Variants in NCOA7 observed in about 807,000 individuals in gnomAD.
NCOA7 encodes nuclear receptor coactivator 7, also known as 140 kDa estrogen receptor-associated protein.
A neutral mutation model predicts 104.3 loss-of-function variants in NCOA7; 45 were observed. The observed-to-expected ratio is 0.43, with a 90% CI of 0.34 to 0.55. The LOEUF (loss-of-function observed/expected upper bound fraction) is 0.55. Ranked by LOEUF, NCOA7 falls within the 20% of genes least tolerant of loss-of-function variation. The probability of loss-of-function intolerance (pLI) is 0.02; values close to 1 mark genes in which losing one functional copy is unlikely to be tolerated. For missense variants in NCOA7, 1,041 were observed against 1,119.7 expected, an observed-to-expected ratio of 0.93 and a Z score of 1.00; for synonymous variants, 398 against 402.3, an observed-to-expected ratio of 0.99 and a Z score of 0.13.
intron 10 of NCOA7, among the ~76,000 whole-genome samples, chr6:125,906,129 C>G (rs1785977522): frequency 6.6e-6 from 1 of 151,964 alleles, no homozygotes; most frequent in South Asian, 2.1e-4. Flanking sequence ...ATGGAAAGGT[C>G]GCAAGGTGGG....
intron 10 of NCOA7, among the ~76,000 whole-genome samples, chr6:125,894,242 C>T (rs1784829906): frequency 6.6e-6 from 1 of 152,102 alleles, no homozygotes; most frequent in Admixed American, 6.5e-5. Flanking sequence ...AGCATCTCCC[C>T]AGTTGTGGTA....
intron 4 of NCOA7, among the ~76,000 whole-genome samples, chr6:125,875,771 A>G (rs950472468): frequency 6.6e-6 from 1 of 152,194 alleles, no homozygotes; most frequent in Non-Finnish European, 1.5e-5. Flanking sequence ...TTTAATTCAT[A>G]TATCCATGAA....
chr6:125,893,566 TC>T (rs1784777700), intron 10 of NCOA7, among the ~76,000 whole-genome samples: 1 of 152,046 alleles, frequency 6.6e-6, no homozygotes, highest in African/African-American at 2.4e-5. Flanking sequence ...GAATGAATAA[TC>T]TACCAAGTAA....
At chr6:125,856,678 C>T (rs760008888) in intron 3 of NCOA7, among the ~76,000 whole-genome samples, 12 of 151,738 alleles carry the variant, frequency 7.9e-5, no homozygotes, top group Non-Finnish European at 1.3e-4. Context: ...TGTAACCTTC[C>T]AACAGTGTTG....
chr6:125,854,995 T>C, intron 2 of NCOA7, 25 bp from the exon 3 acceptor site: 10 of 1,513,238 alleles, frequency 6.6e-6, no homozygotes, highest in Non-Finnish European at 9.0e-6. Flanking sequence ...TCCAATGTTT[T>C]TTCTTTTTTT....
At chr6:125,841,690 C>T (rs1211448561) in intron 2 of NCOA7, among the ~76,000 whole-genome samples, 1 of 152,034 alleles carries the variant, frequency 6.6e-6, no homozygotes, top group Non-Finnish European at 1.5e-5. Flanking sequence ...TCTGCACTAA[C>T]TTTAGAAGGA....
chr6:125,846,018 G>A lies in NCOA7; in HGVS notation c.51-9002G>A, dbSNP rs564420804. On this transcript the variant is annotated intron_variant, in intron 2 of 15. Coordinates refer to ENST00000392477, the MANE Select transcript of NCOA7 (RefSeq NM_181782.5). Reference sequence around the variant, plus strand: ...TATTTCCCTACAGAGGCGATTTTAAGGAGAAAGTTTGTATGAAAGAAGACT... The same window carrying A: ...TATTTCCCTACAGAGGCGATTTTAAAGAGAAAGTTTGTATGAAAGAAGACT... Among the ~76,000 whole-genome samples the A allele has an allele frequency of 3.3e-5, 5 of 152,136 alleles. No homozygotes were observed. In the South Asian group the frequency reaches 1.0e-3, roughly 32 times the overall value.
At chr6:125,905,477 G>T (rs1785914127) in intron 10 of NCOA7, among the ~76,000 whole-genome samples, 1 of 152,144 alleles carries the variant, frequency 6.6e-6, no homozygotes, top group Admixed American at 6.5e-5. Context: ...GGCCAGGCTG[G>T]TCTAGAACTC....
At chr6:125,843,677 G>A (rs984402654) in intron 2 of NCOA7, among the ~76,000 whole-genome samples, 21 of 151,960 alleles carry the variant, frequency 1.4e-4, no homozygotes, top group African/African-American at 4.8e-4. Flanking sequence ...TTGACTTATA[G>A]CACAACACAA....
chr6:125,924,679 G>A (rs1229204537), intron 13 of NCOA7, among the ~76,000 whole-genome samples: 1 of 152,172 alleles, frequency 6.6e-6, no homozygotes, highest in Non-Finnish European at 1.5e-5. Flanking sequence ...GCCAGTGAGG[G>A]AATATTTATT....
In NCOA7 at chr6:125,889,837, T is replaced by C. The variant is rs922243401; in HGVS notation, c.1783T>C (p.Ser595Pro). The change falls in exon 9 of 16, where the codon TCT becomes CCT. Residue 595 changes from serine (S) to proline (P), a missense_variant. Ser to Pro is a moderately conservative substitution (Grantham distance 74, BLOSUM62 -1). This residue lies in a region of NCOA7 where 914 missense variants were observed against 942.7 expected (regional missense o/e 0.97). Transcript: ENST00000392477. ...AGAGCCCCTCCCGGTAAAACTGAAC[T>C]CTTCTACAGAAGCAAATGTGATTAA... is the stretch of plus-strand genomic sequence containing the variant. ...KGEPLPVKLN[S>P]STEANVIKEA... 1.2e-6 allele frequency: 2 copies of C among 1,613,734 alleles called. No homozygotes were observed. The highest frequency in any genetic ancestry group is 8.5e-7 in the Non-Finnish European group (1 of 1,179,900).
intron 2 of NCOA7, among the ~76,000 whole-genome samples, chr6:125,844,894 A>G (rs759056840): frequency 6.6e-6 from 1 of 152,188 alleles, no homozygotes; most frequent in Non-Finnish European, 1.5e-5. Flanking sequence ...TTGTTTATTA[A>G]GCTCTTCCTG....
chr6:125,871,485 A>G (rs1010770149), intron 3 of NCOA7, among the ~76,000 whole-genome samples: 13 of 152,264 alleles, frequency 8.5e-5, no homozygotes, highest in Admixed American at 8.5e-4. Flanking sequence ...TTCTGAAGTA[A>G]TATGAAACCT....
chr6:125,928,001 C>T (rs979709428), intron 14 of NCOA7, among the ~76,000 whole-genome samples, 173 bp from the exon 15 acceptor site: 6 of 152,240 alleles, frequency 3.9e-5, no homozygotes, highest in Non-Finnish European at 8.8e-5. Flanking sequence ...TTCCTTCCTT[C>T]GTAACCCCTT....
At chr6:125,841,396 A>G (rs917832594) in intron 2 of NCOA7, among the ~76,000 whole-genome samples, 16 of 152,192 alleles carry the variant, frequency 1.1e-4, no homozygotes, top group African/African-American at 3.6e-4. Context: ...AAATCACCTA[A>G]TGACACGTTT....
At chr6:125,906,945 A>G (rs1190555593) in intron 10 of NCOA7, among the ~76,000 whole-genome samples, 1 of 152,226 alleles carries the variant, frequency 6.6e-6, no homozygotes, top group Non-Finnish European at 1.5e-5. Context: ...TGTAAAAATA[A>G]CCTAAACAAA....
intron 10 of NCOA7, among the ~76,000 whole-genome samples, chr6:125,894,716 A>G (rs1784873167): frequency 6.6e-6 from 1 of 152,044 alleles, no homozygotes; most frequent in Non-Finnish European, 1.5e-5. Context: ...TTTGGACTGT[A>G]TTAACCGATT....
upstream of NCOA7, chr6:125,786,345 T>C (rs1160244137): frequency 6.6e-6 from 1 of 152,190 alleles, no homozygotes; most frequent in Admixed American, 6.5e-5. Context: ...CCACAGCTTT[T>C]GAGAGACCTT....
chr6:125,785,684 A>C (rs538887087), intron 1 of NCOA7, among the ~76,000 whole-genome samples: 2 of 152,330 alleles, frequency 1.3e-5, no homozygotes, highest in South Asian at 4.1e-4. Flanking sequence ...AAAGTGTAAA[A>C]ACTATGTAAT....
Sources: allele counts gnomAD v4.1 joint callset (sites outside exome capture counted in the v4.1 genomes callset), GRCh38; gene constraint gnomAD v4.1.1; regional missense constraint gnomAD v4.1.1; transcripts MANE v1.5; gene names NCBI Gene and HGNC (gene_info 2026-07-23, HGNC 2026-07-21).